The following CUBN variants were observed in gnomAD, a reference collection of about 807,000 sequenced individuals.
CUBN encodes cubilin, also known as 460 kDa receptor.
A neutral mutation model predicts 405.3 loss-of-function variants in CUBN; 282 were observed. That is an observed-to-expected ratio of 0.70 (90% CI 0.63 to 0.77). CUBN has a LOEUF of 0.77. Ranked by LOEUF, CUBN falls within the 30% of genes least tolerant of loss-of-function variation. The probability of loss-of-function intolerance (pLI) is 0.00; values close to 1 mark genes in which losing one functional copy is unlikely to be tolerated. For missense variants in CUBN, 4,514 were observed against 4,475.2 expected, an observed-to-expected ratio of 1.01 and a Z score of -0.25; for synonymous variants, 1,684 against 1,617.0, an observed-to-expected ratio of 1.04 and a Z score of -0.99.
At chr10:16,853,059 A>C (rs541508908) in intron 59 of CUBN, among the ~76,000 whole-genome samples, 1 of 152,228 alleles carries the variant, frequency 6.6e-6, no homozygotes, top group Non-Finnish European at 1.5e-5. Context: ...TAATCTCAAG[A>C]TGATTAAACG....
intron 14 of CUBN, among the ~76,000 whole-genome samples, chr10:17,094,316 A>G (rs1836327728): frequency 1.3e-5 from 2 of 152,108 alleles, no homozygotes; most frequent in Admixed American, 6.6e-5. Flanking sequence ...TTCTATGTGT[A>G]ATAATATCCT....
rs888688797 is a variant in CUBN, at chr10:16,840,386, G to A, written c.9976C>T (p.Gln3326Ter). The A allele has an allele frequency of 1.2e-6, 2 of 1,614,184 alleles. No individual in the cohort carries two copies. ...QQVKITVWALQLTSQDCTQNY... is the reference protein window; with the variant it reads ...QQVKITVWAL ...TGCGTGCAGTCTTGCGAGGTCAGCTGTAATGCCCACACAGTTATCTTGACC... is the reference window on the plus strand; with the variant it reads ...TGCGTGCAGTCTTGCGAGGTCAGCTATAATGCCCACACAGTTATCTTGACC... Residue 3326 changes from glutamine to a stop codon, truncating the protein, a stop_gained, in exon 62 of 67, where the codon CAG becomes TAG. Coordinates refer to ENST00000377833, the MANE Select transcript of CUBN (RefSeq NM_001081.4). LOFTEE classifies it high-confidence loss of function.
intron 51 of CUBN, among the ~76,000 whole-genome samples, chr10:16,903,352 T>C (rs1431694583): frequency 1.3e-5 from 2 of 152,156 alleles, no homozygotes; most frequent in African/African-American, 4.8e-5. Flanking sequence ...TAAAATGTCA[T>C]AGTCACATCC....
chr10:16,902,268 T>C (rs1239989740), intron 51 of CUBN, among the ~76,000 whole-genome samples: 2 of 139,662 alleles, frequency 1.4e-5, no homozygotes, highest in Non-Finnish European at 3.0e-5. Context: ...AGTATATATA[T>C]ATTTGTATAT....
chr10:17,084,268 T>C lies in CUBN; in HGVS notation c.2301+3A>G. ...CTAAGGGCGATTGAGTAGTGAAAGTTACCTCAATGTAATTCTGAGAACTGT... is the reference window on the plus strand; with the variant it reads ...CTAAGGGCGATTGAGTAGTGAAAGTCACCTCAATGTAATTCTGAGAACTGT... On this transcript the variant is annotated splice_donor_region_variant and intron_variant, in intron 17 of 66. Transcript: ENST00000377833. 2 of 1,613,604 alleles carry C rather than the reference T, an allele frequency of 1.2e-6. No individual in the cohort carries two copies. The highest frequency in any genetic ancestry group is 1.7e-6 in the Non-Finnish European group (2 of 1,179,738).
In CUBN at chr10:17,045,206, G is replaced by A. The variant is rs1236317060; in HGVS notation, c.3491-18C>T. On this transcript the variant is annotated intron_variant, in intron 24 of 66. Transcript: ENST00000377833. ...CCCGCAACCTACAGGAGAAAGAAGT[G>A]GAATGACACACACCCCTTTCCTTCT... 1 of 1,611,898 alleles carries A rather than the reference G, an allele frequency of 6.2e-7. No individual in the cohort carries two copies. Among genetic ancestry groups the A allele is most frequent in the Admixed American group, 1.7e-5 (1 of 59,878 alleles).
At chr10:16,982,199 A>G (rs577819569) in intron 31 of CUBN, among the ~76,000 whole-genome samples, 1 of 152,320 alleles carries the variant, frequency 6.6e-6, no homozygotes, top group Admixed American at 6.5e-5. Context: ...GATAAAAACC[A>G]CTGCAGCCAT....
intron 29 of CUBN, among the ~76,000 whole-genome samples, chr10:16,985,003 G>T (rs1270481849): frequency 1.3e-5 from 2 of 152,208 alleles, no homozygotes; most frequent in East Asian, 3.9e-4. Context: ...CTCAGGGATT[G>T]CCCTAGACTC....
Position 16,847,625 on chromosome 10 carries a change from C to T in CUBN, c.9663+3610G>A, listed in dbSNP as rs537166142. ...GAGATGTCTTTAACTCTCTACATCT[C>T]CAGTGATGCTGGTACAGGGCCTGGC... is the stretch of plus-strand genomic sequence containing the variant. On this transcript the variant is annotated intron_variant, in intron 60 of 66. Coordinates refer to ENST00000377833, the MANE Select transcript of CUBN (RefSeq NM_001081.4). Among the ~76,000 whole-genome samples, 202 of 152,344 alleles carry T rather than the reference C, an allele frequency of 1.3e-3. 1 individual carries two copies. The highest frequency in any genetic ancestry group is 4.5e-3 in the African/African-American group (188 of 41,580).
In CUBN at chr10:16,876,989, G is replaced by C; in HGVS notation, c.9014C>G (p.Ala3005Gly). The change falls in exon 57 of 67, where the codon GCT becomes GGT. Residue 3005 changes from alanine to glycine, a missense_variant. Ala to Gly is a moderately conservative substitution (Grantham distance 60). Transcript: ENST00000377833. ...FATVCGDEMP[A>G]PLTIAGPVLL... ...AACCGGCCCAGCGATGGTGAGGGGA[G>C]CTGGCATCTCATCCCCACACACAGT... The C allele has an allele frequency of 6.2e-7, 1 of 1,614,068 alleles. No individual in the cohort carries two copies. Among genetic ancestry groups the C allele is most frequent in the South Asian group, 1.1e-5 (1 of 91,084 alleles).
intron 59 of CUBN, among the ~76,000 whole-genome samples, 185 bp from the exon 60 acceptor site, chr10:16,851,628 C>G (rs756967852): frequency 6.8e-6 from 1 of 147,042 alleles, no homozygotes; most frequent in Non-Finnish European, 1.5e-5. Flanking sequence ...TCCTTCCCCC[C>G]ACCCGCCCCA....
At chr10:16,835,358 A>T (rs1183983998) in intron 63 of CUBN, among the ~76,000 whole-genome samples, 163 bp from the exon 64 acceptor site, 3 of 152,254 alleles carry the variant, frequency 2.0e-5, no homozygotes, top group Non-Finnish European at 4.4e-5. Context: ...CTGAGCAGTG[A>T]AGTGAATTGC....
intron 62 of CUBN, among the ~76,000 whole-genome samples, chr10:16,837,116 T>A (rs1038852536): frequency 1.3e-5 from 2 of 151,878 alleles, no homozygotes; most frequent in Non-Finnish European, 2.9e-5. Flanking sequence ...TTCCCCACTG[T>A]CTCCTGCTCT....
In CUBN at chr10:17,068,186, T is replaced by C. The variant is rs146730713; in HGVS notation, c.2886A>G (p.Ile962Met). Reference sequence around the variant, plus strand: ...GAATCAGGTGATTAGGTTGGACTAATATATGCCAAGTACAGTTGATACCGT... The same window carrying C: ...GAATCAGGTGATTAGGTTGGACTAACATATGCCAAGTACAGTTGATACCGT... ...YPHGINCTWH[I>M]LVQPNHLIHL... Residue 962 changes from isoleucine to methionine, a missense_variant, in exon 21 of 67, where the codon ATA becomes ATG. Ile to Met is a conservative substitution (Grantham distance 10, BLOSUM62 1). Transcript: ENST00000377833. The C allele has an allele frequency of 7.8e-5, 126 of 1,613,796 alleles. 1 individual carries two copies. The East Asian group carries it at 2.7e-3, about 35-fold the overall frequency.
intron 28 of CUBN, among the ~76,000 whole-genome samples, chr10:16,991,215 A>G (rs1833577661): frequency 6.6e-6 from 1 of 152,228 alleles, no homozygotes; most frequent in Admixed American, 6.5e-5. Context: ...CACACAGTAG[A>G]ATAATGCCAC....
intron 40 of CUBN, among the ~76,000 whole-genome samples, chr10:16,928,532 C>CCCCCTTTTT (rs1403918589): frequency 2.8e-5 from 3 of 107,120 alleles, no homozygotes; most frequent in Admixed American, 1.0e-4. Flanking sequence ...CCACCCCCCC[C>CCCCCTTTTT]TTTTTTTTTT....
chr10:17,034,007 G>A (rs920779043), intron 27 of CUBN, among the ~76,000 whole-genome samples: 2 of 152,222 alleles, frequency 1.3e-5, no homozygotes, highest in Non-Finnish European at 2.9e-5. Flanking sequence ...TTTTGCAACT[G>A]AAAGGAGGAT....
At chr10:16,984,419 G>A in intron 29 of CUBN, 140 bp from the exon 30 acceptor site, 1 of 844,876 alleles carries the variant, frequency 1.2e-6, no homozygotes, top group East Asian at 2.6e-5. Context: ...GGGTGGGGAT[G>A]CACTATAAAC....
chr10:17,114,131 C>T lies in CUBN; in HGVS notation c.779G>A (p.Cys260Tyr). 1 of 1,613,684 alleles carries T rather than the reference C, an allele frequency of 6.2e-7. No homozygotes were observed. The highest frequency in any genetic ancestry group is 8.5e-7 in the Non-Finnish European group (1 of 1,179,874). The change falls in exon 8 of 67, where the codon TGC (cysteine) becomes TAC (tyrosine). Residue 260 changes from cysteine to tyrosine, a missense_variant. Around this residue, in one of 5 missense-constraint regions of CUBN, gnomAD observed 1,448 missense variants for 1,388.0 expected, o/e 1.04. Transcript: ENST00000377833. ...GCTGCACTCGTCTCTGTCCAGCGTG[C>T]AGGCAGGGCTGTTGGGTGAAAACAT... ...GWMFSPNSPACTLDRDECSFQ... is the reference protein window; with the variant it reads ...GWMFSPNSPAYTLDRDECSFQ...
Sources: allele counts gnomAD v4.1 joint callset (sites outside exome capture counted in the v4.1 genomes callset), GRCh38; gene constraint gnomAD v4.1.1; regional missense constraint gnomAD v4.1.1; transcripts MANE v1.5; gene names NCBI Gene and HGNC (gene_info 2026-07-23, HGNC 2026-07-21).